TUNAR: variants seen among roughly 807,000 people sequenced by gnomAD.
TUNAR encodes transmembrane neural differentiation associated intracellular calcium regulator, also known as protein TUNAR.
intron 2 of TUNAR, among the ~76,000 whole-genome samples, chr14:95,919,074 C>T (rs1297272537): frequency 6.6e-6 from 1 of 152,174 alleles, no homozygotes; most frequent in African/African-American, 2.4e-5. Flanking sequence ...CTTGGATAGA[C>T]ATCTGTCCAG....
chr14:95,883,724 C>A (rs951912100), intron 2 of TUNAR, among the ~76,000 whole-genome samples: 3 of 152,080 alleles, frequency 2.0e-5, no homozygotes, highest in Non-Finnish European at 4.4e-5. Flanking sequence ...GCCAAGCCAC[C>A]CCCCCGCCGC....
rs565629198 is a variant in TUNAR, at chr14:95,909,537, C to T, written c.13-13244C>T. On this transcript the variant is annotated intron_variant, in intron 2 of 2. Coordinates refer to ENST00000678517, the Ensembl canonical transcript of TUNAR. The stretch of plus-strand genomic sequence containing the variant: ...TGACCTCGTGATCCACCCGCCTCAG[C>T]CCCGCAAAGTGCTGGGATTACAGGC... 5.9e-5 allele frequency among the ~76,000 whole-genome samples: 9 copies of T among 152,246 alleles called. No homozygotes were observed. The South Asian group carries it at 1.5e-3, about 25-fold the overall frequency.
At chr14:95,885,832 G>C (rs576634453) in intron 2 of TUNAR, among the ~76,000 whole-genome samples, 1 of 152,158 alleles carries the variant, frequency 6.6e-6, no homozygotes, top group Admixed American at 6.5e-5. Context: ...TGTGTAAAAC[G>C]TTCAAGAAGA....
chr14:95,909,282 CTTTTT>C (rs3044246), intron 2 of TUNAR, among the ~76,000 whole-genome samples: 2 of 125,948 alleles, frequency 1.6e-5, no homozygotes. Context: ...GCTGCCATCT[CTTTTT>C]TTTTTTTTTT....
intron 2 of TUNAR, among the ~76,000 whole-genome samples, chr14:95,894,717 C>A (rs1889232317): frequency 6.6e-6 from 1 of 152,202 alleles, no homozygotes; most frequent in Non-Finnish European, 1.5e-5. Flanking sequence ...GAAGAGCAAG[C>A]TCTCCCACAG....
intron 2 of TUNAR, among the ~76,000 whole-genome samples, chr14:95,920,183 C>T (rs1889666877): frequency 6.6e-6 from 1 of 152,176 alleles, no homozygotes; most frequent in African/African-American, 2.4e-5. Flanking sequence ...TGTATGATTC[C>T]ATTTACGCAG....
intron 2 of TUNAR, among the ~76,000 whole-genome samples, chr14:95,917,116 G>A (rs1889617398): frequency 6.6e-6 from 1 of 152,108 alleles, no homozygotes; most frequent in African/African-American, 2.4e-5. Context: ...GAGCTTTTAT[G>A]TCTTGTTAAG....
intron 2 of TUNAR, among the ~76,000 whole-genome samples, chr14:95,909,642 C>A (rs545387783): frequency 6.6e-6 from 1 of 152,300 alleles, no homozygotes; most frequent in African/African-American, 2.4e-5. Flanking sequence ...GTCCCTACCC[C>A]CCATCTCAGC....
At chr14:95,900,022 G>A (rs760246732) in intron 2 of TUNAR, among the ~76,000 whole-genome samples, 4 of 152,116 alleles carry the variant, frequency 2.6e-5, no homozygotes, top group Admixed American at 2.0e-4. Flanking sequence ...GGAATTTCTC[G>A]GTCCTCCAGC....
At chr14:95,879,061 G>C (rs1888935782) in intron 2 of TUNAR, among the ~76,000 whole-genome samples, 1 of 152,148 alleles carries the variant, frequency 6.6e-6, no homozygotes. Context: ...GCCTTAGCTT[G>C]GCTGCAGAGG....
intron 2 of TUNAR, among the ~76,000 whole-genome samples, chr14:95,881,701 G>T (rs1888981549): frequency 6.6e-6 from 1 of 152,202 alleles, no homozygotes; most frequent in Non-Finnish European, 1.5e-5. Context: ...CCTTCGGAAG[G>T]TCACCCATGT....
At chr14:95,902,249 T>C (rs1005857961) in intron 2 of TUNAR, among the ~76,000 whole-genome samples, 1 of 152,124 alleles carries the variant, frequency 6.6e-6, no homozygotes, top group Non-Finnish European at 1.5e-5. Context: ...TGGATCAAAA[T>C]TGTAAGCTTG....
chr14:95,901,703 G>A (rs1889356695), intron 2 of TUNAR, among the ~76,000 whole-genome samples: 1 of 152,260 alleles, frequency 6.6e-6, no homozygotes, highest in African/African-American at 2.4e-5. Flanking sequence ...GGGCTGCAAT[G>A]AAGGACACGA....
At chr14:95,876,742 G>A (rs1888886091) in intron 1 of TUNAR, 90 bp from the exon 1 acceptor site, 1 of 152,316 alleles carries the variant, frequency 6.6e-6, no homozygotes, top group Admixed American at 6.5e-5. Context: ...GCAGCGCGGG[G>A]AGCAGACGCG....
intron 2 of TUNAR, among the ~76,000 whole-genome samples, chr14:95,884,584 G>A (rs940244145): frequency 4.6e-5 from 7 of 152,240 alleles, no homozygotes; most frequent in African/African-American, 1.2e-4. Flanking sequence ...TCTAGGCACC[G>A]TGTTACAGGG....
chr14:95,898,012 C>T (rs2139660913), intron 2 of TUNAR, among the ~76,000 whole-genome samples: 1 of 152,288 alleles, frequency 6.6e-6, no homozygotes, highest in South Asian at 2.1e-4. Context: ...ACCCAGGGTA[C>T]TGCATCCTCT....
In TUNAR at chr14:95,893,215, G is replaced by A. The variant is rs1447178232; in HGVS notation, c.12+16038G>A. Among the ~76,000 whole-genome samples the A allele has an allele frequency of 2.6e-5, 4 of 152,032 alleles. No individual in the cohort carries two copies. The East Asian group carries it at 7.8e-4, about 29-fold the overall frequency. On this transcript the variant is annotated intron_variant, in intron 2 of 2. Transcript: ENST00000678517. ...TGGGGACAGGGATAGTGGGAGAGGT[G>A]GGAGGCCACCTGGGATCTTGGAAAA...
intron 2 of TUNAR, among the ~76,000 whole-genome samples, chr14:95,890,551 A>C (rs1889163282): frequency 6.6e-6 from 1 of 152,090 alleles, no homozygotes; most frequent in African/African-American, 2.4e-5. Flanking sequence ...GCTGTCACTG[A>C]GACAGGCTCC....
At chr14:95,906,855 C>A (rs1889433554) in intron 2 of TUNAR, among the ~76,000 whole-genome samples, 1 of 152,236 alleles carries the variant, frequency 6.6e-6, no homozygotes, top group Admixed American at 6.5e-5. Flanking sequence ...ACTTCCTCCC[C>A]ATCCTCGCCA....
Sources: gnomAD v4.1 joint callset for allele counts (sites outside exome capture counted in the v4.1 genomes callset) on GRCh38, gnomAD v4.1.1 for gene constraint, MANE v1.5 for transcripts, NCBI Gene and HGNC (gene_info 2026-07-23, HGNC 2026-07-21) for gene names.